The following SLC29A1 variants were observed in gnomAD, a reference collection of about 807,000 sequenced individuals.
SLC29A1 encodes equilibrative nucleoside transporter 1.
Under a neutral mutation model 48.3 loss-of-function variants are expected in SLC29A1, and 22 were observed. That is an observed-to-expected ratio of 0.46 (90% CI 0.33 to 0.65). The LOEUF is 0.65. Ranked by LOEUF, SLC29A1 falls within the 30% of genes least tolerant of loss-of-function variation. The pLI is 0.03. For missense variants in SLC29A1, 491 were observed against 575.3 expected (o/e 0.85, Z 1.50); for synonymous variants, 228 against 231.0 (o/e 0.99, Z 0.12).
At position 44,233,698 on chromosome 6, in the gene SLC29A1, A is replaced by G; in HGVS notation, c.*170A>G. On this transcript the variant is annotated 3_prime_UTR_variant, in exon 13 of 13. Coordinates refer to ENST00000371755, the MANE Select transcript of SLC29A1 (RefSeq NM_001372327.1). ...CAGGCCCTGGGGAGGGAGCCTCTGG[A>G]CGGACAGTGGGGACATTGTGGGTTT... 1.6e-6 allele frequency: 1 copy of G among 617,148 alleles called. No homozygotes were observed. The highest frequency in any genetic ancestry group is 2.9e-6 in the Non-Finnish European group (1 of 344,834). 38.2% of individuals were successfully genotyped at this position (617,148 alleles called of 1,614,324 possible).
rs535210972 is a variant in SLC29A1, at chr6:44,227,229, A to AGACAGGGCCTC, written c.-51-33_-51-23dup. On this transcript the variant is annotated intron_variant, in intron 1 of 12. Coordinates refer to ENST00000371755, the MANE Select transcript of SLC29A1 (RefSeq NM_001372327.1). ...CCTGAGGAGGCCTATGGCAGGGCCAAGACAGGGCCTCACACTGTTCCTGCC... is the reference window on the plus strand; with the variant it reads ...CCTGAGGAGGCCTATGGCAGGGCCAAGACAGGGCCTCGACAGGGCCTCACACTGTTCCTGCC... 2,119 of 1,598,052 alleles carry AGACAGGGCCTC rather than the reference A, an allele frequency of 1.3e-3. 15 individuals carry two copies. The highest frequency in any genetic ancestry group is 9.8e-3 in the South Asian group (877 of 89,748).
chr6:44,227,031 G>A (rs1041818429), intron 1 of SLC29A1: 19 of 1,295,408 alleles, frequency 1.5e-5, no homozygotes, highest in South Asian at 9.9e-5. Flanking sequence ...CGGCCAGGCC[G>A]GGAGCCAGGT....
At chr6:44,228,271 C>G (rs546399258) in intron 2 of SLC29A1, among the ~76,000 whole-genome samples, 1 of 152,356 alleles carries the variant, frequency 6.6e-6, no homozygotes, top group African/African-American at 2.4e-5. Flanking sequence ...CTCCATTTGC[C>G]TTATTGCACA....
Position 44,230,407 on chromosome 6 carries a change from A to G in SLC29A1, c.515A>G (p.Tyr172Cys). 6.2e-7 allele frequency: 1 copy of G among 1,614,142 alleles called. No individual in the cohort carries two copies. The highest frequency in any genetic ancestry group is 8.5e-7 in the Non-Finnish European group (1 of 1,180,000). ...CTGGCTGGCCTTCTGCCTGCCAGCT[A>G]CACGGCCCCCATCATGAGTGGCCAG... is the stretch of plus-strand genomic sequence containing the variant. ...FGLAGLLPAS[Y>C]TAPIMSGQGL... Residue 172 changes from tyrosine (Y) to cysteine (C), a missense_variant, in exon 6 of 13, where the codon TAC becomes TGC. Physicochemically the swap from Tyr to Cys is radical, Grantham distance 194. Transcript: ENST00000371755.
At chr6:44,219,884 GACCCGCTGGGCT>G (rs1169302258), upstream of SLC29A1, 1 of 787,076 alleles carries the variant, frequency 1.3e-6, no homozygotes, top group African/African-American at 1.9e-5. Context: ...CCAGTAGGGG[GACCCGCTGGGCT>G]ACAGTGTCTC....
chr6:44,229,213 A>G lies in SLC29A1; in HGVS notation c.30-177A>G, dbSNP rs7750723. On this transcript the variant is annotated intron_variant, in intron 2 of 12. Transcript: ENST00000371755. The surrounding 1 kb of genome is among the most constrained non-coding windows in gnomAD (Gnocchi z 5.1). ...TCCCCACCCCAAATTCCAACGAGCA[A>G]TGTACCCTTTTCTCCCCCCACACCC... 0.05 allele frequency among the ~76,000 whole-genome samples: 7,567 copies of G among 151,954 alleles called. 226 individuals are homozygous for G. Among genetic ancestry groups the G allele is most frequent in the African/African-American group, 0.083 (3,426 of 41,490 alleles).
At chr6:44,221,471 C>T (rs540272763), upstream of SLC29A1, 84 of 408,724 alleles carry the variant, frequency 2.1e-4, no homozygotes, top group African/African-American at 1.6e-3. This position sits in a 1 kb window ranked among gnomAD's most constrained non-coding sequence, Gnocchi z 4.2. Flanking sequence ...ATGCATGGGG[C>T]CTGCCAAGTT....
intron 9 of SLC29A1, among the ~76,000 whole-genome samples, chr6:44,231,738 C>T (rs966252913): frequency 6.6e-6 from 1 of 152,182 alleles, no homozygotes; most frequent in African/African-American, 2.4e-5. Flanking sequence ...AAGTGATTCT[C>T]CTGCCTCAGC....
chr6:44,233,928 A>C lies in SLC29A1; in HGVS notation c.*400A>C. 1 of 216,338 alleles carries C rather than the reference A, an allele frequency of 4.6e-6. No homozygotes were observed. The allele number at this position is 216,338 out of a possible 1,614,324, so 13.4% of individuals were successfully genotyped here. On this transcript the variant is annotated 3_prime_UTR_variant, in exon 13 of 13. Transcript: ENST00000371755. ...CTGGGGTGGCTAGGAGCTGGGTCTG[A>C]CCGTTGTATGGTTTGACCTGATATA...
intron 1 of SLC29A1, among the ~76,000 whole-genome samples, chr6:44,225,312 C>A (rs983628838): frequency 1.3e-5 from 2 of 152,078 alleles, no homozygotes; most frequent in African/African-American, 4.8e-5. Context: ...TCGAAACCAG[C>A]CTGGTCAACA....
At position 44,233,535 on chromosome 6, in the gene SLC29A1, A is replaced by T. The variant is rs779358682; in HGVS notation, c.*7A>T. On this transcript the variant is annotated 3_prime_UTR_variant, in exon 13 of 13. Transcript: ENST00000371755. ...GTTCCGGGCAATTGTGTGACAAAGG[A>T]TGGACAGAAGGACTGCCTGCCTCCC... 2 of 1,607,080 alleles carry T rather than the reference A, an allele frequency of 1.2e-6. No individual in the cohort carries two copies. The highest frequency in any genetic ancestry group is 1.7e-6 in the Non-Finnish European group (2 of 1,173,768).
intron 1 of SLC29A1, chr6:44,226,246 T>A: frequency 3.0e-6 from 1 of 329,976 alleles, no homozygotes; most frequent in Non-Finnish European, 4.3e-6. Flanking sequence ...TAGGCCTGAG[T>A]GTGGGGAATG....
At chr6:44,226,227 G>A (rs1777490149) in intron 1 of SLC29A1, 9 of 532,688 alleles carry the variant, frequency 1.7e-5, no homozygotes, top group Non-Finnish European at 2.2e-5. Context: ...AGCAAGGCCT[G>A]GGCCCAGCTA....
At chr6:44,220,510 G>T (rs766067797), upstream of SLC29A1, among the ~76,000 whole-genome samples, 45 of 151,728 alleles carry the variant, frequency 3.0e-4, no homozygotes, top group Non-Finnish European at 2.8e-4. Flanking sequence ...TGTAGACATT[G>T]CATTAAAACT....
At chr6:44,231,620 G>T (rs1778910280) in intron 9 of SLC29A1, among the ~76,000 whole-genome samples, 159 bp downstream of exon 9, 1 of 152,012 alleles carries the variant, frequency 6.6e-6, no homozygotes. Flanking sequence ...CGTGCCGGGG[G>T]TGGGGATTCG....
At chr6:44,219,655 CG>C, upstream of SLC29A1, 1 of 1,250,112 alleles carries the variant, frequency 8.0e-7, no homozygotes, top group Non-Finnish European at 1.0e-6. Flanking sequence ...AGGCCCGGCG[CG>C]GGCTGCGCTC....
intron 9 of SLC29A1, 21 bp from the exon 10 acceptor site, chr6:44,231,977 G>T: frequency 1.3e-6 from 2 of 1,559,876 alleles, no homozygotes; most frequent in South Asian, 2.2e-5. Context: ...GCATTTGGGT[G>T]ACTCTACCCC....
At chr6:44,219,693 C>G (rs1410297618), upstream of SLC29A1, 4 of 1,288,254 alleles carry the variant, frequency 3.1e-6, no homozygotes, top group South Asian at 3.7e-5. Flanking sequence ...GCCCCAGCCC[C>G]GAGATGAGGA....
In SLC29A1 at chr6:44,223,722, G is replaced by C. The variant is rs1333080181; in HGVS notation, c.-52+81G>C. 3.7e-6 allele frequency: 4 copies of C among 1,079,410 alleles called. No individual in the cohort carries two copies. The highest frequency in any genetic ancestry group is 4.8e-5 in the Admixed American group (1 of 20,802). 66.9% of individuals were successfully genotyped at this position (1,079,410 alleles called of 1,614,324 possible). On this transcript the variant is annotated intron_variant, in intron 1 of 12. Coordinates refer to ENST00000371755, the MANE Select transcript of SLC29A1 (RefSeq NM_001372327.1). This position sits in a 1 kb window ranked among gnomAD's most constrained non-coding sequence, Gnocchi z 5.0. The stretch of plus-strand genomic sequence containing the variant: ...CTGCCCGCCTGCCACGGAGGGCAGG[G>C]AGGGCGGGCCTGACGGCTCCGCAGC...
Sources: allele counts gnomAD v4.1 joint callset (sites outside exome capture counted in the v4.1 genomes callset), GRCh38; gene constraint gnomAD v4.1.1; non-coding constraint Gnocchi (gnomAD v3.1); transcripts MANE v1.5; gene names NCBI Gene and HGNC (gene_info 2026-07-23, HGNC 2026-07-21).